The following SCN11A variants were observed in gnomAD, a reference collection of about 807,000 sequenced individuals.
SCN11A encodes sodium voltage-gated channel alpha subunit 11.
In SCN11A, 122 loss-of-function variants were observed where a neutral mutation model predicts 162.2. The ratio of observed to expected loss-of-function variants is 0.75; its 90% confidence interval spans 0.65 to 0.87. SCN11A has a LOEUF of 0.87. Ranked by LOEUF, SCN11A falls within the 40% of genes least tolerant of loss-of-function variation. The pLI, the probability that SCN11A is intolerant of heterozygous loss-of-function variation, is 0.00. For synonymous variants in SCN11A, 758 were observed against 751.5 expected (o/e 1.01, Z -0.14); for missense variants, 2,015 against 2,181.6 (o/e 0.92, Z 1.52).
chr3:39,020,102 G>T (rs1367407090), intron 2 of SCN11A, among the ~76,000 whole-genome samples: 1 of 152,116 alleles, frequency 6.6e-6, no homozygotes, highest in Non-Finnish European at 1.5e-5. Flanking sequence ...TTCTTCATTT[G>T]TACAATGGAG....
At position 38,896,808 on chromosome 3, in the gene SCN11A, C is replaced by CTT. The variant is rs5848481; in HGVS notation, c.2403+35_2403+36dup. ...AATGCATTTGAGAGGCATGTAGGAT[C>CTT]TTTTTTTTTTTTTTGAAAAAAATCT... On this transcript the variant is annotated intron_variant, in intron 18 of 29. Transcript: ENST00000302328. 78,502 of 1,084,800 alleles carry CTT rather than the reference C, an allele frequency of 0.072. 385 individuals are homozygous for CTT. The highest frequency in any genetic ancestry group is 0.14 in the African/African-American group (8,473 of 62,184). The allele number at this position is 1,084,800 out of a possible 1,614,324, so 67.2% of individuals were successfully genotyped here.
chr3:38,850,614 A>C lies in SCN11A; in HGVS notation c.4194T>G (p.Leu1398=). The change falls in exon 29 of 30, where the codon CTT becomes CTG. Residue 1398 remains leucine, a synonymous_variant. Coordinates refer to ENST00000302328, the MANE Select transcript of SCN11A (RefSeq NM_001349253.2). Reference sequence around the variant, plus strand: ...CCACAAAGACCCAGTTGAGATGGTCAAGGATGGATTTCATGGCTTTGGGTT... The same window carrying C: ...CCACAAAGACCCAGTTGAGATGGTCCAGGATGGATTTCATGGCTTTGGGTT... ...YNQPKAMKSI[L]DHLNWVFVVI... 6.2e-7 allele frequency: 1 copy of C among 1,614,064 alleles called. No individual in the cohort carries two copies. The highest frequency in any genetic ancestry group is 8.5e-7 in the Non-Finnish European group (1 of 1,179,928).
At chr3:38,914,065 T>C (rs1487529954) in intron 11 of SCN11A, among the ~76,000 whole-genome samples, 2 of 152,188 alleles carry the variant, frequency 1.3e-5, no homozygotes, top group Non-Finnish European at 2.9e-5. Context: ...TAGCACTGAA[T>C]CTGTAAATTG....
At position 38,885,309 on chromosome 3, in the gene SCN11A, G is replaced by A. The variant is rs1449575299; in HGVS notation, c.3043C>T (p.Pro1015Ser). The part of the protein sequence containing the change: ...WLPEMVPKKQ[P>S]ERCLPKGFGC... Reference sequence around the variant, plus strand: ...TTACCTTTGGGCAAACATCTCTCTGGTTGCTTTTTGGGAACCATCTCAGGT... The same window carrying A: ...TTACCTTTGGGCAAACATCTCTCTGATTGCTTTTTGGGAACCATCTCAGGT... The change falls in exon 21 of 30, where the codon CCA becomes TCA. Residue 1015 changes from proline to serine, a missense_variant. Pro to Ser is a moderately conservative substitution (Grantham distance 74). Coordinates refer to ENST00000302328, the MANE Select transcript of SCN11A (RefSeq NM_001349253.2). The A allele has an allele frequency of 6.2e-6, 10 of 1,608,600 alleles. No homozygotes were observed. The highest frequency in any genetic ancestry group is 8.5e-6 in the Non-Finnish European group (10 of 1,175,166).
chr3:39,030,644 AT>A (rs1401095480), intron 2 of SCN11A, among the ~76,000 whole-genome samples: 1 of 152,190 alleles, frequency 6.6e-6, no homozygotes, highest in Non-Finnish European at 1.5e-5. Flanking sequence ...CAGTTTGTGG[AT>A]TAAAATTTAC....
intron 6 of SCN11A, among the ~76,000 whole-genome samples, chr3:38,946,550 C>A (rs544099937): frequency 6.6e-6 from 1 of 152,306 alleles, no homozygotes; most frequent in Middle Eastern, 3.4e-3. Flanking sequence ...TTCACACGAC[C>A]AATCTCACTA....
At position 38,907,388 on chromosome 3, in the gene SCN11A, A is replaced by ACT. The variant is rs747529818; in HGVS notation, c.1473+559_1473+560dup. Among the ~76,000 whole-genome samples, 476 of 136,932 alleles carry ACT rather than the reference A, an allele frequency of 3.5e-3. 3 individuals carry two copies. The highest frequency in any genetic ancestry group is 5.7e-3 in the Non-Finnish European group (361 of 63,328). The allele number at this position is 136,932 out of a possible 152,430, so 89.8% of individuals were successfully genotyped here. A position where few individuals can be genotyped will look rare whatever the true frequency, so the allele number is the denominator to read the frequency against. On this transcript the variant is annotated intron_variant, in intron 14 of 29. Transcript: ENST00000302328. ...CACACACACACACACACACACACAC[A>ACT]CTTTGATGCCCTTACTTTGGAAGGA...
At chr3:38,962,845 C>G (rs1575338463) in intron 2 of SCN11A, among the ~76,000 whole-genome samples, 1 of 151,222 alleles carries the variant, frequency 6.6e-6, no homozygotes, top group East Asian at 1.9e-4. Flanking sequence ...GAAACTCCGT[C>G]TAAAAATAAA....
chr3:38,946,527 C>T (rs778536105), intron 6 of SCN11A, among the ~76,000 whole-genome samples: 3 of 152,200 alleles, frequency 2.0e-5, no homozygotes, highest in Non-Finnish European at 2.9e-5. Flanking sequence ...CAGTGCCTCT[C>T]CCTGCTACCA....
chr3:38,953,030 C>T (rs574978115), intron 4 of SCN11A, among the ~76,000 whole-genome samples: 91 of 151,278 alleles, frequency 6.0e-4, no homozygotes, highest in African/African-American at 2.1e-3. Context: ...ACTGCAGAGG[C>T]GAAACACTAT....
rs1483842671 is a variant in SCN11A at position 38,908,051 on chromosome 3, C to CT, written c.1370dup (p.Arg458GlufsTer6). The stretch of plus-strand genomic sequence containing the variant: ...TTTTCTTATTACCAAAGAGCTTTCT[C>CT]TTTTTTGGGGTAAAATATGATGTTT... On this transcript the variant is annotated frameshift_variant, in exon 14 of 30. Transcript: ENST00000302328. LOFTEE classifies it high-confidence loss of function. 7 of 1,613,520 alleles carry CT rather than the reference C, an allele frequency of 4.3e-6. No homozygotes were observed. The highest frequency in any genetic ancestry group is 1.1e-5 in the South Asian group (1 of 90,968).
intron 2 of SCN11A, among the ~76,000 whole-genome samples, chr3:39,016,414 A>G (rs2031290354): frequency 1.3e-5 from 2 of 152,134 alleles, no homozygotes; most frequent in Non-Finnish European, 2.9e-5. Flanking sequence ...ACTGAAAACA[A>G]TTCAATTTCT....
rs117369784 is a variant in SCN11A at position 38,907,461 on chromosome 3, T to C, written c.1473+488A>G. Among the ~76,000 whole-genome samples the C allele has an allele frequency of 6.2e-3, 939 of 151,728 alleles. 27 individuals carry two copies. The highest frequency in any genetic ancestry group is 0.053 in the Admixed American group (804 of 15,244). ...CAGTGGTAACTGGCTTGATAATGCATCTTCATTGGTTACCTTCCATTCCAT... is the reference window on the plus strand; with the variant it reads ...CAGTGGTAACTGGCTTGATAATGCACCTTCATTGGTTACCTTCCATTCCAT... On this transcript the variant is annotated intron_variant, in intron 14 of 29. Coordinates refer to ENST00000302328, the MANE Select transcript of SCN11A (RefSeq NM_001349253.2).
Position 38,894,814 on chromosome 3 carries a change from G to A in SCN11A, c.2554C>T (p.His852Tyr). 1 of 1,614,198 alleles carries A rather than the reference G, an allele frequency of 6.2e-7. No homozygotes were observed. Among genetic ancestry groups the A allele is most frequent in the Non-Finnish European group, 8.5e-7 (1 of 1,180,036 alleles). The change falls in exon 19 of 30, where the codon CAT becomes TAT. Residue 852 changes from histidine to tyrosine, a missense_variant. Coordinates refer to ENST00000302328, the MANE Select transcript of SCN11A (RefSeq NM_001349253.2). Reference sequence around the variant, plus strand: ...TTCCTGCACCACTTGTGACAGAAATGCTCAAGAGTGTGTCTCACAAAACAA... The same window carrying A: ...TTCCTGCACCACTTGTGACAGAAATACTCAAGAGTGTGTCTCACAAAACAA... ...AFCFVRHTLEHFCHKWCRKQN... is the reference protein window; with the variant it reads ...AFCFVRHTLEYFCHKWCRKQN...
intron 23 of SCN11A, among the ~76,000 whole-genome samples, chr3:38,877,784 C>T (rs938393524): frequency 2.0e-4 from 28 of 140,696 alleles, no homozygotes; most frequent in Non-Finnish European, 4.0e-4. Flanking sequence ...GTGTATATAC[C>T]ATATATATAT....
intron 2 of SCN11A, among the ~76,000 whole-genome samples, chr3:38,966,226 C>T (rs564133901): frequency 2.6e-4 from 39 of 152,222 alleles, no homozygotes; most frequent in Non-Finnish European, 3.1e-4. Context: ...GGTTGCAGGT[C>T]GTCAGTCCTC....
chr3:39,002,495 A>G (rs1205234113), intron 2 of SCN11A, among the ~76,000 whole-genome samples: 2 of 152,220 alleles, frequency 1.3e-5, no homozygotes, highest in Non-Finnish European at 2.9e-5. Flanking sequence ...AGGGATTTGT[A>G]TTTCTACAAG....
intron 2 of SCN11A, among the ~76,000 whole-genome samples, chr3:39,014,408 C>T (rs2031230549): frequency 6.6e-6 from 1 of 152,202 alleles, no homozygotes; most frequent in Non-Finnish European, 1.5e-5. Context: ...AAAGGAGCCC[C>T]TCCCATTTCC....
At position 38,897,170 on chromosome 3, in the gene SCN11A, A is replaced by G. The variant is rs1245192759; in HGVS notation, c.2078T>C (p.Ile693Thr). The G allele has an allele frequency of 6.2e-7, 1 of 1,614,062 alleles. No individual in the cohort carries two copies. Among genetic ancestry groups the G allele is most frequent in the Non-Finnish European group, 8.5e-7 (1 of 1,180,024 alleles). ...AAGGGCTCCGACAGAGTTGCCGATT[A>G]TCTTAATTAGTGTGTTCAAAGTTGG... ...SWPTLNTLIK[I>T]IGNSVGALGS... Residue 693 changes from isoleucine to threonine, a missense_variant, in exon 18 of 30, where the codon ATA (isoleucine) becomes ACA (threonine). Ile to Thr is a moderately conservative substitution (Grantham distance 89). Transcript: ENST00000302328.
Sources: gnomAD v4.1 joint callset for allele counts (sites outside exome capture counted in the v4.1 genomes callset) on GRCh38, gnomAD v4.1.1 for gene constraint, MANE v1.5 for transcripts, NCBI Gene and HGNC (gene_info 2026-07-23, HGNC 2026-07-21) for gene names.